Variants in RBFOX1 observed in about 807,000 individuals in gnomAD.
The protein encoded by RBFOX1 is RNA binding protein fox-1 homolog 1.
Under a neutral mutation model 57.7 loss-of-function variants are expected in RBFOX1, and 8 were observed. The observed-to-expected ratio is 0.14, with a 90% CI of 0.08 to 0.25. The LOEUF is 0.25. Among genes scored for constraint, RBFOX1 ranks in the 10% least tolerant of loss-of-function variants. The pLI is 1.00. For synonymous variants in RBFOX1, 326 were observed against 222.4 expected (o/e 1.47, Z -4.15); for missense variants, 611 against 548.5 (o/e 1.11, Z -1.14).
intron 2 of RBFOX1, chr16:6,483,106 G>T: frequency 9.8e-7 from 1 of 1,015,814 alleles, no homozygotes. Flanking sequence ...CGGGACCCAC[G>T]CAGCCCCAGT....
rs774765619 is a variant in RBFOX1 at position 7,167,049 on chromosome 16, G to A, written c.27+114951G>A. 6.3e-4 allele frequency among the ~76,000 whole-genome samples: 81 copies of A among 129,510 alleles called. 1 individual carries two copies. Among genetic ancestry groups the A allele is most frequent in the Non-Finnish European group, 1.1e-4 (7 of 64,498 alleles). The allele number at this position is 129,510 out of a possible 152,430, so 85.0% of individuals were successfully genotyped here. Reference sequence around the variant, plus strand: ...CGCCCAGGTTGGAGTGCAGTGGTGTGATCTCAGCTCGCTGCAACCTCCGTC... The same window carrying A: ...CGCCCAGGTTGGAGTGCAGTGGTGTAATCTCAGCTCGCTGCAACCTCCGTC... On this transcript the variant is annotated intron_variant, in intron 4 of 15. Transcript: ENST00000550418.
At chr16:6,612,915 A>G (rs1268625295) in intron 2 of RBFOX1, among the ~76,000 whole-genome samples, 1 of 151,928 alleles carries the variant, frequency 6.6e-6, no homozygotes, top group Non-Finnish European at 1.5e-5. Context: ...CTTAAAACTG[A>G]AAGTGAAGAT....
At chr16:6,130,358 A>G (rs571489825) in intron 1 of RBFOX1, among the ~76,000 whole-genome samples, 3 of 152,262 alleles carry the variant, frequency 2.0e-5, no homozygotes, top group Non-Finnish European at 2.9e-5. Context: ...TTATGGATAC[A>G]TATTGTTTAT....
intron 2 of RBFOX1, among the ~76,000 whole-genome samples, chr16:5,484,579 G>A (rs1013751270): frequency 6.6e-6 from 1 of 152,046 alleles, no homozygotes; most frequent in Non-Finnish European, 1.5e-5. Flanking sequence ...GGGCTTCAAG[G>A]CCAGCCTAGG....
chr16:5,694,701 C>G lies in RBFOX1; in HGVS notation c.318+95740C>G, dbSNP rs61265726. Among the ~76,000 whole-genome samples the G allele has an allele frequency of 5.2e-3, 789 of 151,956 alleles. 29 individuals carry two copies. The East Asian group carries it at 0.11, about 22-fold the overall frequency. ...CCTCTTAGGGAGACTGGCCCTGACT[C>G]CCGATTTAAAGTAGACCACTCACAG... On this transcript the variant is annotated intron_variant, in intron 3 of 19. Transcript: ENST00000641259.
chr16:6,054,128 T>G (rs2095585695), intron 1 of RBFOX1, among the ~76,000 whole-genome samples: 1 of 152,096 alleles, frequency 6.6e-6, no homozygotes, highest in Non-Finnish European at 1.5e-5. Context: ...GAGGAAACTG[T>G]CAGTTTGAAG....
intron 3 of RBFOX1, among the ~76,000 whole-genome samples, chr16:6,687,809 C>G (rs560968294): frequency 6.6e-6 from 1 of 152,160 alleles, no homozygotes; most frequent in African/African-American, 2.4e-5. Flanking sequence ...TTGGCTAGAA[C>G]AAGTCACATG....
intron 4 of RBFOX1, among the ~76,000 whole-genome samples, chr16:7,231,122 G>A (rs1048348569): frequency 1.3e-5 from 2 of 152,090 alleles, no homozygotes; most frequent in Admixed American, 6.6e-5. Context: ...TGGTTGTTTG[G>A]ATCAGATAGG....
intron 4 of RBFOX1, among the ~76,000 whole-genome samples, chr16:7,223,088 G>A (rs980955318): frequency 3.9e-5 from 6 of 152,184 alleles, no homozygotes; most frequent in African/African-American, 7.2e-5. Context: ...GCAGCAGCCT[G>A]GGAGACTAGC....
intron 4 of RBFOX1, among the ~76,000 whole-genome samples, chr16:5,881,114 C>G (rs1027396115): frequency 6.6e-6 from 1 of 152,080 alleles, no homozygotes; most frequent in Admixed American, 6.6e-5. Flanking sequence ...TTTTTCCTAT[C>G]GAAGTTCACG....
At chr16:6,088,287 T>C (rs139919311) in intron 1 of RBFOX1, among the ~76,000 whole-genome samples, 13 of 152,240 alleles carry the variant, frequency 8.5e-5, no homozygotes, top group African/African-American at 2.9e-4. Context: ...ATATGGAACA[T>C]GTTGTCAATA....
chr16:7,688,544 T>C (rs1252070735), intron 14 of RBFOX1, among the ~76,000 whole-genome samples: 1 of 152,040 alleles, frequency 6.6e-6, no homozygotes, highest in African/African-American at 2.4e-5. Flanking sequence ...GCTACTGTTT[T>C]AATTTAACTC....
intron 4 of RBFOX1, among the ~76,000 whole-genome samples, chr16:7,434,288 G>A (rs369925263): frequency 1.3e-5 from 2 of 151,890 alleles, no homozygotes; most frequent in Non-Finnish European, 2.9e-5. Context: ...TGGCTAACAC[G>A]GTGAAACCCC....
At chr16:6,373,727 A>G (rs893839167) in intron 2 of RBFOX1, among the ~76,000 whole-genome samples, 3 of 152,108 alleles carry the variant, frequency 2.0e-5, no homozygotes, top group Admixed American at 6.6e-5. Context: ...GTTGGATGAG[A>G]GGAGTTGTTA....
chr16:5,902,083 A>G (rs915250288), intron 4 of RBFOX1, among the ~76,000 whole-genome samples: 2 of 152,214 alleles, frequency 1.3e-5, no homozygotes, highest in Non-Finnish European at 1.5e-5. Flanking sequence ...AATTAATCAT[A>G]TTCCCTCTTT....
At chr16:5,692,765 C>T (rs1263587066) in intron 3 of RBFOX1, among the ~76,000 whole-genome samples, 2 of 152,020 alleles carry the variant, frequency 1.3e-5, no homozygotes, top group East Asian at 1.9e-4. Context: ...CATCAGGACA[C>T]AGCCCACCGA....
chr16:6,796,180 G>C (rs1028488214), intron 3 of RBFOX1, among the ~76,000 whole-genome samples: 2 of 152,004 alleles, frequency 1.3e-5, no homozygotes, highest in Non-Finnish European at 2.9e-5. Flanking sequence ...GCTTGTGCAG[G>C]GAAACTCCCA....
intron 4 of RBFOX1, among the ~76,000 whole-genome samples, chr16:7,060,506 C>T (rs1235043490): frequency 6.6e-6 from 1 of 152,128 alleles, no homozygotes; most frequent in Non-Finnish European, 1.5e-5. Flanking sequence ...TAAAGGCTTC[C>T]AGTTAAATAC....
intron 5 of RBFOX1, among the ~76,000 whole-genome samples, chr16:7,550,814 T>A (rs987872024): frequency 6.6e-6 from 1 of 151,466 alleles, no homozygotes; most frequent in East Asian, 2.0e-4. Context: ...CTAATGGGGG[T>A]CAGGTGCAGT....
Sources: gnomAD v4.1 joint callset for allele counts (sites outside exome capture counted in the v4.1 genomes callset) on GRCh38, gnomAD v4.1.1 for gene constraint, MANE v1.5 for transcripts, NCBI Gene and HGNC (gene_info 2026-07-23, HGNC 2026-07-21) for gene names.